The following ELMOD2 variants were observed in gnomAD, a reference collection of about 807,000 sequenced individuals.
The protein encoded by ELMOD2 is ELMO domain containing 2.
ELMOD2 carries 28 observed loss-of-function variants against 41.0 expected under a neutral mutation model. That is an observed-to-expected ratio of 0.68 (90% CI 0.51 to 0.94). ELMOD2 has a LOEUF of 0.94. Ranked by LOEUF, ELMOD2 falls within the 40% of genes least tolerant of loss-of-function variation. The pLI is 0.00. For synonymous variants in ELMOD2, 106 were observed against 107.2 expected (o/e 0.99, Z 0.07); for missense variants, 333 against 343.1 (o/e 0.97, Z 0.23).
chr4:140,552,316 G>A lies in ELMOD2; in HGVS notation c.*1941G>A, dbSNP rs1735489909. ...TTCTAGGAAGAAAAACTATGATGAT[G>A]TTAAGAAAATGTCATTATAGAGCTT... On this transcript the variant is annotated 3_prime_UTR_variant, in exon 9 of 9. Coordinates refer to ENST00000323570, the MANE Select transcript of ELMOD2 (RefSeq NM_153702.4). 1.3e-5 allele frequency: 2 copies of A among 152,018 alleles called. No homozygotes were observed. The highest frequency in any genetic ancestry group is 1.9e-4 in the East Asian group (1 of 5,196). 9.4% of individuals were successfully genotyped at this position (152,018 alleles called of 1,614,324 possible).
chr4:140,534,853 G>C (rs1462466060), intron 3 of ELMOD2, among the ~76,000 whole-genome samples: 1 of 152,154 alleles, frequency 6.6e-6, no homozygotes, highest in Non-Finnish European at 1.5e-5. Flanking sequence ...CTCTAGGGCT[G>C]GGGAAGACTT....
At position 140,535,944 on chromosome 4, in the gene ELMOD2, T is replaced by G; in HGVS notation, c.269+114T>G. ...GAAGGGTTTGTGGAGATCATCTGAT[T>G]CAGCGCTCTCACTTCACAAGAGGAG... On this transcript the variant is annotated intron_variant, in intron 4 of 8. Coordinates refer to ENST00000323570, the MANE Select transcript of ELMOD2 (RefSeq NM_153702.4). The G allele has an allele frequency of 1.2e-5, 11 of 896,900 alleles. 1 individual carries two copies. The South Asian group carries it at 2.1e-4, about 17-fold the overall frequency. 55.6% of individuals were successfully genotyped at this position (896,900 alleles called of 1,614,324 possible). A position where few individuals can be genotyped will look rare whatever the true frequency, so the allele number is the denominator to read the frequency against.
chr4:140,535,751 C>A lies in ELMOD2; in HGVS notation c.190C>A (p.His64Asn). 2 of 1,609,928 alleles carry A rather than the reference C, an allele frequency of 1.2e-6. No individual in the cohort carries two copies. The highest frequency in any genetic ancestry group is 2.2e-5 in the South Asian group (2 of 89,740). ...SKNKVLQKAT[H>N]VVQSEVDKYV... Reference sequence around the variant, plus strand: ...TAAATAGGTTTTACAGAAGGCGACACATGTTGTTCAGAGTGAAGTGGACAA... The same window carrying A: ...TAAATAGGTTTTACAGAAGGCGACAAATGTTGTTCAGAGTGAAGTGGACAA... The change falls in exon 4 of 9, where the codon CAT (histidine) becomes AAT (asparagine). Residue 64 changes from histidine to asparagine, a missense_variant. Physicochemically the swap from His to Asn is moderately conservative, Grantham distance 68. Coordinates refer to ENST00000323570, the MANE Select transcript of ELMOD2 (RefSeq NM_153702.4).
intron 4 of ELMOD2, among the ~76,000 whole-genome samples, chr4:140,537,047 T>C (rs1296840204): frequency 1.3e-5 from 2 of 152,158 alleles, no homozygotes; most frequent in African/African-American, 4.8e-5. Context: ...TATTTAGAGC[T>C]GAGATAACCT....
chr4:140,533,925 A>G (rs1734828549), intron 3 of ELMOD2, among the ~76,000 whole-genome samples: 1 of 152,092 alleles, frequency 6.6e-6, no homozygotes, highest in African/African-American at 2.4e-5. Flanking sequence ...AAGACACTAC[A>G]TACCTAAAAG....
chr4:140,536,135 T>G (rs1296220139), intron 4 of ELMOD2, among the ~76,000 whole-genome samples: 1 of 152,188 alleles, frequency 6.6e-6, no homozygotes, highest in East Asian at 1.9e-4. Flanking sequence ...GAAATACAGT[T>G]CCTGTGTCCT....
intron 3 of ELMOD2, among the ~76,000 whole-genome samples, chr4:140,531,057 C>A (rs1001660547): frequency 4.6e-5 from 7 of 152,000 alleles, no homozygotes; most frequent in African/African-American, 1.7e-4. Flanking sequence ...ATAGTGGTTA[C>A]TAATAATATT....
chr4:140,550,266 A>T lies in ELMOD2; in HGVS notation c.773A>T (p.Glu258Val), dbSNP rs367624113. ...TATGAATTTGACAAGTTTTGGTTTG[A>T]AGAAGAACCAGAAAGCATTATGTAT... is the stretch of plus-strand genomic sequence containing the variant. ...LVYEFDKFWF[E>V]EEPESIMYFN... is the part of the protein sequence containing the mutation. Residue 258 changes from glutamate to valine, a missense_variant, in exon 9 of 9, where the codon GAA becomes GTA. By Grantham distance (121) the Glu-to-Val change is moderately radical. Transcript: ENST00000323570. 46 of 1,610,768 alleles carry T rather than the reference A, an allele frequency of 2.9e-5. No individual in the cohort carries two copies. Among genetic ancestry groups the T allele is most frequent in the Non-Finnish European group, 3.6e-5 (43 of 1,178,476 alleles).
chr4:140,540,095 T>C (rs921144494), intron 5 of ELMOD2, 73 bp from the exon 6 acceptor site: 1 of 1,510,726 alleles, frequency 6.6e-7, no homozygotes, highest in Non-Finnish European at 8.9e-7. Context: ...CAAAAGTTAT[T>C]TGATAGCATT....
At chr4:140,531,548 GCTGT>G (rs949338394) in intron 3 of ELMOD2, among the ~76,000 whole-genome samples, 3 of 152,314 alleles carry the variant, frequency 2.0e-5, no homozygotes, top group South Asian at 2.1e-4. Context: ...GTTTTTGGTG[GCTGT>G]CTTTTTATTG....
chr4:140,536,778 A>G (rs1734941985), intron 4 of ELMOD2, among the ~76,000 whole-genome samples: 1 of 152,156 alleles, frequency 6.6e-6, no homozygotes, highest in African/African-American at 2.4e-5. Flanking sequence ...AGGAATAAAG[A>G]ATAGGAAATT....
Position 140,540,321 on chromosome 4 carries a change from C to A in ELMOD2, c.533+20C>A, listed in dbSNP as rs777140535. 3.7e-6 allele frequency: 6 copies of A among 1,609,612 alleles called. No homozygotes were observed. In the Admixed American group the frequency reaches 6.8e-5, roughly 18 times the overall value. On this transcript the variant is annotated intron_variant, in intron 6 of 8. Transcript: ENST00000323570. Reference sequence around the variant, plus strand: ...TCTTGTGTAAGTGAAAGTAAACTTTCTTTTCTTCCCTAAATGAAATTACAT... The same window carrying A: ...TCTTGTGTAAGTGAAAGTAAACTTTATTTTCTTCCCTAAATGAAATTACAT...
chr4:140,525,489 C>G lies in ELMOD2; in HGVS notation c.61C>G (p.Leu21Val), dbSNP rs201497167. The change falls in exon 2 of 9, where the codon CTA becomes GTA. Residue 21 changes from leucine (L) to valine (V), a missense_variant. By Grantham distance (32) the Leu-to-Val change is conservative (BLOSUM62 1). Transcript: ENST00000323570. ...CTTTTTTCGATTTTGGATGAAATGG[C>G]TATTACGACAGATGACTGGGAAGTG... ...GHFFRFWMKW[L>V]LRQMTGKCEL... 34 of 1,613,886 alleles carry G rather than the reference C, an allele frequency of 2.1e-5. No homozygotes were observed. In the East Asian group the frequency reaches 7.6e-4, roughly 36 times the overall value.
chr4:140,533,461 A>C (rs756648568), intron 3 of ELMOD2, among the ~76,000 whole-genome samples: 2 of 152,158 alleles, frequency 1.3e-5, no homozygotes, highest in Non-Finnish European at 2.9e-5. Context: ...GTATGGGGGA[A>C]AAAAGAAACC....
At chr4:140,536,966 G>A (rs1734948944) in intron 4 of ELMOD2, among the ~76,000 whole-genome samples, 1 of 152,104 alleles carries the variant, frequency 6.6e-6, no homozygotes. Context: ...GGGAACTAAT[G>A]GGTAGCGATG....
intron 6 of ELMOD2, among the ~76,000 whole-genome samples, chr4:140,541,423 T>G (rs1735101993): frequency 1.3e-5 from 2 of 152,136 alleles, no homozygotes; most frequent in East Asian, 1.9e-4. Context: ...AGTTGTTCTA[T>G]ATTACAGATT....
chr4:140,525,981 G>A (rs766522214), intron 2 of ELMOD2, among the ~76,000 whole-genome samples: 4 of 152,072 alleles, frequency 2.6e-5, no homozygotes, highest in Non-Finnish European at 5.9e-5. Flanking sequence ...CTTATGAAAG[G>A]CCTGTAATTA....
chr4:140,536,379 G>A (rs1462274103), intron 4 of ELMOD2, among the ~76,000 whole-genome samples: 3 of 152,078 alleles, frequency 2.0e-5, no homozygotes, highest in African/African-American at 7.2e-5. Flanking sequence ...CATTTTCTAT[G>A]TGAATATAGA....
In ELMOD2 at chr4:140,524,185, G is replaced by C. The variant is rs891484479; in HGVS notation, c.-105G>C. On this transcript the variant is annotated 5_prime_UTR_variant, in exon 1 of 9. Coordinates refer to ENST00000323570, the MANE Select transcript of ELMOD2 (RefSeq NM_153702.4). ...CGCTCCCTGACTTCCGGGTCGCGGT[G>C]CTTGAAGGGAGTGTTCCGTCGTTTC... 1 of 152,412 alleles carries C rather than the reference G, an allele frequency of 6.6e-6. No individual in the cohort carries two copies. The highest frequency in any genetic ancestry group is 2.4e-5 in the African/African-American group (1 of 41,460). 9.4% of individuals were successfully genotyped at this position (152,412 alleles called of 1,614,324 possible).
Sources: allele counts gnomAD v4.1 joint callset (sites outside exome capture counted in the v4.1 genomes callset), GRCh38; gene constraint gnomAD v4.1.1; transcripts MANE v1.5; gene names NCBI Gene and HGNC (gene_info 2026-07-23, HGNC 2026-07-21).